Variants in TMCO6 observed in about 807,000 individuals in gnomAD.
The protein encoded by TMCO6 is transmembrane and coiled-coil domains 6.
Under a neutral mutation model 61.8 loss-of-function variants are expected in TMCO6, and 47 were observed. That is an observed-to-expected ratio of 0.76 (90% confidence interval 0.60 to 0.97). The LOEUF (loss-of-function observed/expected upper bound fraction) is 0.97, where lower values mean the gene tolerates loss of function less well. Ranked by LOEUF, TMCO6 falls within the 50% of genes least tolerant of loss-of-function variation. The pLI is 0.00. For synonymous variants in TMCO6, 261 were observed against 254.2 expected (o/e 1.03, Z -0.25); for missense variants, 557 against 601.6 (o/e 0.93, Z 0.78).
At chr5:140,613,919 G>A in the TMCO6 span, among the ~76,000 whole-genome samples, 1 of 150,950 alleles carries the variant, frequency 6.6e-6, no homozygotes, top group Non-Finnish European at 1.5e-5. Context: ...GTTGTTTTGA[G>A]AAGGAGTCTC....
At chr5:140,599,916 TATAAAATAAA>T in the TMCO6 span, among the ~76,000 whole-genome samples, 323 of 144,326 alleles carry the variant, frequency 2.2e-3, no homozygotes, top group African/African-American at 6.1e-3. Flanking sequence ...TCAAATAAAA[TATAAAATAAA>T]ATAAAATAAA....
downstream of TMCO6, chr5:140,647,334 G>A: frequency 1.2e-6 from 2 of 1,606,302 alleles, no homozygotes; most frequent in South Asian, 1.1e-5. Context: ...GCCTTCTTCA[G>A]CTCCACGTAG....
At chr5:140,604,297 G>T in the TMCO6 span, among the ~76,000 whole-genome samples, 10 of 152,088 alleles carry the variant, frequency 6.6e-5, no homozygotes, top group East Asian at 1.4e-3. Flanking sequence ...AGGAGGCTGA[G>T]GCAGGAGAAT....
the TMCO6 span, among the ~76,000 whole-genome samples, chr5:140,623,793 C>G: frequency 1.3e-5 from 2 of 152,070 alleles, no homozygotes; most frequent in Non-Finnish European, 2.9e-5. Flanking sequence ...GTTGCCCAGG[C>G]TAGTCTCAAA....
chr5:140,635,138 T>C (rs1019741253), upstream of TMCO6, among the ~76,000 whole-genome samples: 6 of 152,188 alleles, frequency 3.9e-5, no homozygotes, highest in Admixed American at 3.3e-4. Flanking sequence ...TAGCTGCAGA[T>C]TTGTCCCCAA....
At chr5:140,641,254 C>A in intron 2 of TMCO6, 1 of 161,698 alleles carries the variant, frequency 6.2e-6, no homozygotes, top group Non-Finnish European at 1.4e-5. Context: ...TGTGCAAAAG[C>A]TCGGAAATGT....
the TMCO6 span, among the ~76,000 whole-genome samples, chr5:140,605,555 C>T: frequency 6.6e-6 from 1 of 152,038 alleles, no homozygotes; most frequent in African/African-American, 2.4e-5. Context: ...TGGTGGGTGC[C>T]TGTAATCCCA....
downstream of TMCO6, chr5:140,647,543 A>C: frequency 6.2e-7 from 1 of 1,612,114 alleles, no homozygotes; most frequent in South Asian, 1.1e-5. Context: ...ACGCAGGCCC[A>C]GCTTTGCCCC....
the TMCO6 span, among the ~76,000 whole-genome samples, chr5:140,615,158 C>A: frequency 6.6e-6 from 1 of 152,042 alleles, no homozygotes; most frequent in African/African-American, 2.4e-5. Context: ...TAACCATGAA[C>A]AATCTGAAAA....
At chr5:140,617,631 G>A in the TMCO6 span, among the ~76,000 whole-genome samples, 73 of 152,016 alleles carry the variant, frequency 4.8e-4, 1 homozygote, top group Middle Eastern at 6.8e-3. Flanking sequence ...CTACTCGGGA[G>A]GCTGAAGCAG....
chr5:140,623,846 G>A, the TMCO6 span, among the ~76,000 whole-genome samples: 2 of 152,080 alleles, frequency 1.3e-5, no homozygotes, highest in Non-Finnish European at 2.9e-5. Context: ...CTCCCAAAGT[G>A]CTGGGATTAT....
At chr5:140,637,043 C>T (rs1397575974), upstream of TMCO6, among the ~76,000 whole-genome samples, 1 of 152,112 alleles carries the variant, frequency 6.6e-6, no homozygotes, top group African/African-American at 2.4e-5. Flanking sequence ...GAGTAGGTGA[C>T]ACTGGACTTG....
At chr5:140,623,449 C>T in the TMCO6 span, among the ~76,000 whole-genome samples, 2 of 151,502 alleles carry the variant, frequency 1.3e-5, no homozygotes, top group Admixed American at 6.6e-5. Context: ...ACTCTTTGTT[C>T]AGGGCTCAGT....
the TMCO6 span, chr5:140,632,394 G>A: frequency 1.1e-5 from 17 of 1,614,066 alleles, no homozygotes; most frequent in Non-Finnish European, 1.4e-5. The surrounding 1 kb of genome is among the most constrained non-coding windows in gnomAD (Gnocchi z 6.2). Context: ...GTCTAGGCTG[G>A]TAAGGGCCGG....
chr5:140,603,395 C>T, the TMCO6 span, among the ~76,000 whole-genome samples: 1 of 152,054 alleles, frequency 6.6e-6, no homozygotes, highest in Non-Finnish European at 1.5e-5. Context: ...GCAACCTGCA[C>T]CTCCCAGGTT....
At chr5:140,647,330 T>G (rs757982865), downstream of TMCO6, 1 of 1,605,224 alleles carries the variant, frequency 6.2e-7, no homozygotes, top group South Asian at 1.1e-5. Context: ...ATTCGCCTTC[T>G]TCAGCTCCAC....
chr5:140,621,780 C>G, the TMCO6 span, among the ~76,000 whole-genome samples: 1 of 152,142 alleles, frequency 6.6e-6, no homozygotes, highest in South Asian at 2.1e-4. Flanking sequence ...GGGGGTGGGT[C>G]TCTGAACTGG....
At chr5:140,646,173 G>C (rs1277222043), downstream of TMCO6, among the ~76,000 whole-genome samples, 2 of 152,010 alleles carry the variant, frequency 1.3e-5, no homozygotes, top group Non-Finnish European at 2.9e-5. Flanking sequence ...ACCACACCCG[G>C]CTAATTTTTG....
the TMCO6 span, among the ~76,000 whole-genome samples, chr5:140,616,917 C>A: frequency 6.6e-6 from 1 of 151,860 alleles, no homozygotes; most frequent in East Asian, 2.0e-4. Flanking sequence ...GTGACACGTA[C>A]CTGTAGTCCC....
Sources: allele counts gnomAD v4.1 joint callset (sites outside exome capture counted in the v4.1 genomes callset), GRCh38; gene constraint gnomAD v4.1.1; non-coding constraint Gnocchi (gnomAD v3.1); transcripts MANE v1.5; gene names NCBI Gene and HGNC (gene_info 2026-07-23, HGNC 2026-07-21).